CDH13: variants seen among roughly 807,000 people sequenced by gnomAD.
CDH13 encodes cadherin-13.
A neutral mutation model predicts 63.8 loss-of-function variants in CDH13; 24 were observed. That is an observed-to-expected ratio of 0.38 (90% CI 0.27 to 0.53). The LOEUF (loss-of-function observed/expected upper bound fraction) is 0.53. Among genes scored for constraint, CDH13 ranks in the 20% least tolerant of loss-of-function variants. CDH13 has a pLI of 0.85. For synonymous variants in CDH13, 503 were observed against 355.3 expected (o/e 1.42, Z -4.67); for missense variants, 1,049 against 903.1 (o/e 1.16, Z -2.07).
intron 1 of CDH13, among the ~76,000 whole-genome samples, chr16:82,750,551 G>T (rs532032045): frequency 2.0e-5 from 3 of 152,302 alleles, no homozygotes; most frequent in South Asian, 2.1e-4. Flanking sequence ...ACTGAAGAAG[G>T]TTCCAAGGAC....
At chr16:83,745,932 A>G (rs777112496) in intron 10 of CDH13, among the ~76,000 whole-genome samples, 9 of 152,150 alleles carry the variant, frequency 5.9e-5, no homozygotes, top group Admixed American at 3.3e-4. Context: ...ACCCTGAGTC[A>G]CTAAGTTAGC....
chr16:83,726,359 T>C (rs932204669), intron 10 of CDH13: 5 of 144,936 alleles, frequency 3.4e-5, no homozygotes, highest in Non-Finnish European at 7.6e-5. Flanking sequence ...ACAAGGACCC[T>C]AGATAGGGTC....
chr16:83,576,761 G>C (rs921111225), intron 7 of CDH13, among the ~76,000 whole-genome samples: 1 of 152,120 alleles, frequency 6.6e-6, no homozygotes, highest in Admixed American at 6.5e-5. Context: ...CATGATTAGT[G>C]ATACTGAACA....
chr16:83,236,383 C>G (rs957976976), intron 5 of CDH13, among the ~76,000 whole-genome samples: 1 of 152,156 alleles, frequency 6.6e-6, no homozygotes, highest in Non-Finnish European at 1.5e-5. Flanking sequence ...GGCCAGAAAC[C>G]TGTTTAAGCC....
chr16:83,755,463 C>A (rs1913430143), intron 11 of CDH13, among the ~76,000 whole-genome samples: 1 of 152,066 alleles, frequency 6.6e-6, no homozygotes, highest in Non-Finnish European at 1.5e-5. Context: ...TTTAGCAAAC[C>A]ACAAGCTGGA....
At chr16:83,711,107 C>T (rs748047323) in intron 10 of CDH13, among the ~76,000 whole-genome samples, 12 of 152,174 alleles carry the variant, frequency 7.9e-5, no homozygotes, top group African/African-American at 1.9e-4. Flanking sequence ...CAGTAGCCTG[C>T]GTGGACAACT....
At chr16:83,538,831 G>C (rs2075245175) in intron 7 of CDH13, among the ~76,000 whole-genome samples, 3 of 152,202 alleles carry the variant, frequency 2.0e-5, no homozygotes, top group Non-Finnish European at 4.4e-5. Context: ...ATACCTGGAA[G>C]TGGAATTCCT....
chr16:82,745,291 G>T (rs924922658), intron 1 of CDH13, among the ~76,000 whole-genome samples: 1 of 152,096 alleles, frequency 6.6e-6, no homozygotes, highest in Non-Finnish European at 1.5e-5. Flanking sequence ...TTTCCCAACC[G>T]AATGCATTAT....
chr16:83,280,017 G>A (rs962248519), intron 5 of CDH13, among the ~76,000 whole-genome samples: 2 of 152,142 alleles, frequency 1.3e-5, no homozygotes, highest in Non-Finnish European at 2.9e-5. Flanking sequence ...GAGTCTTGCC[G>A]CAATGTTGAT....
intron 10 of CDH13, among the ~76,000 whole-genome samples, chr16:83,729,677 T>C (rs1910823919): frequency 6.6e-6 from 1 of 152,224 alleles, no homozygotes; most frequent in African/African-American, 2.4e-5. Context: ...CATGAAGTTA[T>C]TGTTAGACTT....
intron 1 of CDH13, among the ~76,000 whole-genome samples, chr16:82,733,116 G>A (rs1184634951): frequency 2.0e-5 from 3 of 152,192 alleles, no homozygotes. Context: ...GCATGAGGCA[G>A]AGAAGTTTGC....
At chr16:83,037,106 C>A (rs988048380) in intron 3 of CDH13, among the ~76,000 whole-genome samples, 1 of 152,288 alleles carries the variant, frequency 6.6e-6, no homozygotes, top group Non-Finnish European at 1.5e-5. Flanking sequence ...GGAGCCTTGA[C>A]TGGAGTAGGG....
chr16:83,368,883 GTTATATATATATATATATATAT>G lies in CDH13; in HGVS notation c.781+23878_781+23899del, dbSNP rs1414155483. ...TTATGGCTGAGTAGTAGTATTCCAT[GTTATATATATATATATATATAT>G]ATATATATATATATATATATATATA... On this transcript the variant is annotated intron_variant, in intron 6 of 13. Transcript: ENST00000567109. 9.7e-3 allele frequency among the ~76,000 whole-genome samples: 247 copies of G among 25,342 alleles called. 7 individuals are homozygous for G. The highest frequency in any genetic ancestry group is 0.024 in the African/African-American group (237 of 9,826). The allele number at this position is 25,342 out of a possible 152,430, so 16.6% of individuals were successfully genotyped here.
intron 1 of CDH13, among the ~76,000 whole-genome samples, chr16:82,681,592 T>C (rs1914552011): frequency 6.6e-6 from 1 of 152,260 alleles, no homozygotes; most frequent in Non-Finnish European, 1.5e-5. Flanking sequence ...CACCAAAACG[T>C]ATCTGACACT....
intron 1 of CDH13, among the ~76,000 whole-genome samples, chr16:82,714,561 T>C (rs1432462694): frequency 6.6e-6 from 1 of 150,656 alleles, no homozygotes; most frequent in Non-Finnish European, 1.5e-5. Context: ...TAAAAATATA[T>C]AAATTAGCTG....
chr16:82,716,920 C>A (rs1418105204), intron 1 of CDH13, among the ~76,000 whole-genome samples: 2 of 151,840 alleles, frequency 1.3e-5, no homozygotes, highest in Non-Finnish European at 2.9e-5. Flanking sequence ...TTCTTCAAGT[C>A]CCGGTGTAGA....
intron 2 of CDH13, among the ~76,000 whole-genome samples, chr16:82,874,374 G>A (rs577485172): frequency 3.3e-5 from 5 of 152,190 alleles, no homozygotes; most frequent in African/African-American, 7.2e-5. Context: ...GAGCAGCAGA[G>A]TGTGGTGGCT....
At chr16:83,137,086 G>A (rs1051631280) in intron 4 of CDH13, among the ~76,000 whole-genome samples, 1 of 152,326 alleles carries the variant, frequency 6.6e-6, no homozygotes, top group African/African-American at 2.4e-5. Context: ...GGGTCCCAGG[G>A]GAGCTACGCT....
At chr16:83,106,285 A>T (rs13329932) in intron 3 of CDH13, among the ~76,000 whole-genome samples, 13,825 of 152,262 alleles carry the variant, frequency 0.091, 693 homozygotes, top group African/African-American at 0.12. Context: ...CATGCCTGTA[A>T]TCCCAGCACT....
Sources: allele counts gnomAD v4.1 joint callset (sites outside exome capture counted in the v4.1 genomes callset), GRCh38; gene constraint gnomAD v4.1.1; transcripts MANE v1.5; gene names NCBI Gene and HGNC (gene_info 2026-07-23, HGNC 2026-07-21).